The following CSGALNACT1 variants were observed in gnomAD, a reference collection of about 807,000 sequenced individuals.
The protein encoded by CSGALNACT1 is beta4GalNAcT-1.
Under a neutral mutation model 51.0 loss-of-function variants are expected in CSGALNACT1, and 52 were observed. The observed-to-expected ratio is 1.02, with a 90% confidence interval of 0.82 to 1.29. The LOEUF is 1.29. Among genes scored for constraint, CSGALNACT1 ranks in the 50% most tolerant of loss-of-function variants. CSGALNACT1 has a pLI of 0.00. For missense variants in CSGALNACT1, 935 were observed against 679.2 expected, an observed-to-expected ratio of 1.38 and a Z score of -4.19; for synonymous variants, 341 against 254.4, an observed-to-expected ratio of 1.34 and a Z score of -3.24.
chr8:19,659,055 AG>A (rs1244941815), intron 1 of CSGALNACT1, among the ~76,000 whole-genome samples: 3 of 152,170 alleles, frequency 2.0e-5, no homozygotes, highest in Non-Finnish European at 4.4e-5. Context: ...CTGAAAAGGC[AG>A]GGCTCCCCCC....
upstream of CSGALNACT1, among the ~76,000 whole-genome samples, chr8:19,683,483 C>T (rs982996502): frequency 3.3e-5 from 5 of 152,146 alleles, no homozygotes; most frequent in African/African-American, 1.2e-4. Flanking sequence ...ATAGCCTTTC[C>T]ACACACCAAT....
chr8:19,749,564 C>T (rs920644436), intron 1 of CSGALNACT1, among the ~76,000 whole-genome samples: 4 of 152,116 alleles, frequency 2.6e-5, no homozygotes, highest in African/African-American at 9.7e-5. Context: ...CCCTGGTCAC[C>T]AAACAAGGCG....
chr8:19,534,820 A>G (rs2083438445), intron 3 of CSGALNACT1, among the ~76,000 whole-genome samples: 1 of 152,196 alleles, frequency 6.6e-6, no homozygotes, highest in African/African-American at 2.4e-5. Context: ...CTAATCTTGC[A>G]TTTGGCAATC....
chr8:19,657,436 T>TC (rs2058383688), intron 1 of CSGALNACT1, among the ~76,000 whole-genome samples: 1 of 152,090 alleles, frequency 6.6e-6, no homozygotes, highest in African/African-American at 2.4e-5. Context: ...ACAAAAAACA[T>TC]CAATCTAAAG....
At chr8:19,405,820 A>G (rs1376636672) in exon 10 of CSGALNACT1, 1 of 1,614,132 alleles carries the variant, frequency 6.2e-7, no homozygotes, top group Non-Finnish European at 8.5e-7. Flanking sequence ...CTGTTTGCGA[A>G]GGTGAGCCTC....
At chr8:19,582,330 C>T (rs2045753267) in intron 3 of CSGALNACT1, among the ~76,000 whole-genome samples, 1 of 152,198 alleles carries the variant, frequency 6.6e-6, no homozygotes, top group East Asian at 1.9e-4. Flanking sequence ...CAATGAAAGA[C>T]TACTTAGATA....
intron 6 of CSGALNACT1, among the ~76,000 whole-genome samples, chr8:19,425,703 C>T (rs2058669916): frequency 6.6e-6 from 1 of 152,120 alleles, no homozygotes; most frequent in Admixed American, 6.5e-5. Context: ...TAGGTGCATC[C>T]TCAACCTCGG....
chr8:19,438,337 G>A (rs1439319692), intron 6 of CSGALNACT1, among the ~76,000 whole-genome samples: 1 of 152,168 alleles, frequency 6.6e-6, no homozygotes, highest in Non-Finnish European at 1.5e-5. Context: ...AATTGACATT[G>A]ACAGAGACGT....
intron 3 of CSGALNACT1, among the ~76,000 whole-genome samples, chr8:19,507,528 GAAAAAAAAAAAA>G (rs35759799): frequency 2.7e-5 from 2 of 74,886 alleles, no homozygotes; most frequent in Admixed American, 1.7e-4. Context: ...ATCTTAGCCA[GAAAAAAAAAAAA>G]AAAAAAAAAA....
intron 6 of CSGALNACT1, among the ~76,000 whole-genome samples, chr8:19,420,885 G>A (rs941982166): frequency 1.3e-5 from 2 of 152,180 alleles, no homozygotes; most frequent in Non-Finnish European, 2.9e-5. Flanking sequence ...ACCGAATGAG[G>A]CCACTGAGCC....
intron 2 of CSGALNACT1, among the ~76,000 whole-genome samples, chr8:19,595,051 G>A (rs2048614052): frequency 6.6e-6 from 1 of 152,056 alleles, no homozygotes. Flanking sequence ...CAATTCTGTT[G>A]GACATTCTTC....
intron 1 of CSGALNACT1, among the ~76,000 whole-genome samples, chr8:19,645,339 C>G (rs529333311): frequency 3.9e-5 from 6 of 152,186 alleles, no homozygotes; most frequent in Non-Finnish European, 5.9e-5. Flanking sequence ...ATGGAGAATA[C>G]TGTCCAACTG....
intron 4 of CSGALNACT1, among the ~76,000 whole-genome samples, chr8:19,500,325 C>A (rs764864510): frequency 5.9e-4 from 90 of 152,228 alleles, no homozygotes; most frequent in Non-Finnish European, 1.1e-3. Context: ...CACTACACCC[C>A]AAGTACAAGT....
At chr8:19,525,615 C>CAAAAAAAAAAAAAA (rs34787475) in intron 3 of CSGALNACT1, among the ~76,000 whole-genome samples, 3 of 20,382 alleles carry the variant, frequency 1.5e-4, no homozygotes, top group Non-Finnish European at 2.7e-4. Context: ...AAACTTGTCC[C>CAAAAAAAAAAAAAA]AAAAAAAAAA....
intron 1 of CSGALNACT1, among the ~76,000 whole-genome samples, chr8:19,660,526 G>A (rs895251964): frequency 6.6e-6 from 1 of 152,112 alleles, no homozygotes; most frequent in Non-Finnish European, 1.5e-5. Flanking sequence ...CCAATGCTTT[G>A]CCGTAGCCAG....
chr8:19,645,761 G>A (rs372397317), intron 1 of CSGALNACT1, among the ~76,000 whole-genome samples: 30 of 152,302 alleles, frequency 2.0e-4, no homozygotes, highest in African/African-American at 6.5e-4. Context: ...GGAACAGGTA[G>A]CAAGTGAATG....
chr8:19,660,490 A>G (rs1027957976), intron 1 of CSGALNACT1, among the ~76,000 whole-genome samples: 11 of 152,176 alleles, frequency 7.2e-5, no homozygotes, highest in African/African-American at 2.7e-4. Flanking sequence ...CTAGAAGATT[A>G]TCATCTTCAA....
At chr8:19,717,876 AG>A (rs1218015498) in intron 1 of CSGALNACT1, among the ~76,000 whole-genome samples, 1 of 152,144 alleles carries the variant, frequency 6.6e-6, no homozygotes, top group Non-Finnish European at 1.5e-5. Context: ...AGTCTAGACT[AG>A]TCTGCGGCAT....
intron 1 of CSGALNACT1, among the ~76,000 whole-genome samples, chr8:19,687,828 C>T (rs569253486): frequency 9.2e-5 from 14 of 152,330 alleles, no homozygotes; most frequent in Admixed American, 3.3e-4. Context: ...CAATGGCTGA[C>T]ACTTCCAGGA....
Sources: allele counts gnomAD v4.1 joint callset (sites outside exome capture counted in the v4.1 genomes callset), GRCh38; gene constraint gnomAD v4.1.1; transcripts MANE v1.5; gene names NCBI Gene and HGNC (gene_info 2026-07-23, HGNC 2026-07-21).